Variants in SMPDL3A observed in about 807,000 individuals in gnomAD.
SMPDL3A encodes sphingomyelin phosphodiesterase acid like 3A.
In SMPDL3A, 39 loss-of-function variants were observed where a neutral mutation model predicts 38.5. The ratio of observed to expected loss-of-function variants is 1.01; its 90% confidence interval spans 0.78 to 1.32. SMPDL3A has a LOEUF of 1.32. SMPDL3A is among the 40% of genes most tolerant of loss of function. SMPDL3A has a pLI of 0.00. For synonymous variants in SMPDL3A, 180 were observed against 194.3 expected (o/e 0.93, Z 0.61); for missense variants, 502 against 536.2 (o/e 0.94, Z 0.63).
intron 1 of SMPDL3A, among the ~76,000 whole-genome samples, chr6:122,794,951 C>T (rs933921163): frequency 5.3e-5 from 8 of 152,226 alleles, no homozygotes; most frequent in Middle Eastern, 3.4e-3. Context: ...CATATTTATA[C>T]GTCAATTTTT....
rs1299525331 is a variant in SMPDL3A at position 122,795,785 on chromosome 6, G to T, written c.221G>T (p.Gly74Val). Residue 74 changes from glycine to valine, a missense_variant, in exon 2 of 8, where the codon GGC (glycine) becomes GTC (valine). Gly to Val is a moderately radical substitution (Grantham distance 109). Transcript: ENST00000368440. ...AAAGGTGCAAATGCCTCCAACCCTG[G>T]CCCTTTTGGAGATGTTCTGTGTGAT... The part of the protein sequence containing the change: ...SSKGANASNP[G>V]PFGDVLCDSP... The T allele has an allele frequency of 6.2e-7, 1 of 1,613,926 alleles. No individual in the cohort carries two copies. The highest frequency in any genetic ancestry group is 1.3e-5 in the African/African-American group (1 of 74,986).
chr6:122,794,144 A>G (rs546514576), intron 1 of SMPDL3A, among the ~76,000 whole-genome samples: 13 of 152,236 alleles, frequency 8.5e-5, no homozygotes, highest in African/African-American at 2.9e-4. Flanking sequence ...TGGTTTTTCA[A>G]TTCTAAAATG....
At chr6:122,798,313 G>C (rs1000437841) in intron 3 of SMPDL3A, among the ~76,000 whole-genome samples, 3 of 152,150 alleles carry the variant, frequency 2.0e-5, no homozygotes, top group Admixed American at 6.5e-5. Flanking sequence ...AGAGGCTTGG[G>C]AACAAATGAG....
At position 122,789,395 on chromosome 6, in the gene SMPDL3A, T is replaced by G. The variant is rs745917849; in HGVS notation, c.49T>G (p.Cys17Gly). The G allele has an allele frequency of 3.3e-5, 51 of 1,549,174 alleles. No individual in the cohort carries two copies. The highest frequency in any genetic ancestry group is 4.3e-5 in the Non-Finnish European group (49 of 1,146,366). The change falls in exon 1 of 8, where the codon TGC becomes GGC. Residue 17 changes from cysteine (C) to glycine (G), a missense_variant. Coordinates refer to ENST00000368440, the MANE Select transcript of SMPDL3A (RefSeq NM_006714.5). ...LVCCLLTAWHCRSGLGLPVAP... is the reference protein window; with the variant it reads ...LVCCLLTAWHGRSGLGLPVAP... Reference sequence around the variant, plus strand: ...CTGCTGCCTGCTGACTGCCTGGCACTGCCGCTCCGGCCTCGGGCTGCCCGT... The same window carrying G: ...CTGCTGCCTGCTGACTGCCTGGCACGGCCGCTCCGGCCTCGGGCTGCCCGT...
chr6:122,807,328 C>G (rs1443878107), intron 7 of SMPDL3A, among the ~76,000 whole-genome samples: 5 of 152,284 alleles, frequency 3.3e-5, no homozygotes, highest in African/African-American at 1.2e-4. Context: ...GAAACCCCGT[C>G]TCCACTAAAA....
At chr6:122,808,640 T>TCCCCCC (rs1781737461) in intron 7 of SMPDL3A, among the ~76,000 whole-genome samples, 1 of 38,104 alleles carries the variant, frequency 2.6e-5, no homozygotes, top group Non-Finnish European at 5.1e-5. Flanking sequence ...CCTTCCTTCC[T>TCCCCCC]TCCCCCCCTC....
chr6:122,798,881 T>C (rs1781336942), intron 3 of SMPDL3A, among the ~76,000 whole-genome samples: 1 of 152,208 alleles, frequency 6.6e-6, no homozygotes, highest in Non-Finnish European at 1.5e-5. Flanking sequence ...GTTAATTTTT[T>C]TTCTCTTTCT....
intron 3 of SMPDL3A, among the ~76,000 whole-genome samples, chr6:122,801,050 C>A (rs906466510): frequency 6.6e-6 from 1 of 152,166 alleles, no homozygotes; most frequent in Non-Finnish European, 1.5e-5. Context: ...TGCACCTGGC[C>A]CTTGGCTACA....
intron 7 of SMPDL3A, among the ~76,000 whole-genome samples, chr6:122,808,609 C>CCCTTCCTTCCTTCCTT (rs1194682012): frequency 9.0e-5 from 4 of 44,370 alleles, no homozygotes; most frequent in Admixed American, 2.2e-4. Flanking sequence ...CTCCCTCCCT[C>CCCTTCCTTCCTTCCTT]CCTTCCTTCC....
At chr6:122,797,870 G>A (rs1200159860) in intron 3 of SMPDL3A, among the ~76,000 whole-genome samples, 1 of 152,106 alleles carries the variant, frequency 6.6e-6, no homozygotes, top group Non-Finnish European at 1.5e-5. Context: ...GAAAATGAAG[G>A]CTCAGAAATG....
chr6:122,804,945 C>T lies in SMPDL3A; in HGVS notation c.775C>T (p.Pro259Ser). 6.2e-7 allele frequency: 1 copy of T among 1,611,796 alleles called. No homozygotes were observed. Among genetic ancestry groups the T allele is most frequent in the Non-Finnish European group, 8.5e-7 (1 of 1,179,272 alleles). The change falls in exon 6 of 8, where the codon CCA becomes TCA. Residue 259 changes from proline (P) to serine (S), a missense_variant. By Grantham distance (74) the Pro-to-Ser change is moderately conservative. Transcript: ENST00000368440. ...AGCACATGTTCCAGTGGGGTATCTG[C>T]CATCTTCACAGAACATCACAGCAAT... Reference protein sequence around the residue: ...IIAHVPVGYLPSSQNITAMRE... With the variant: ...IIAHVPVGYLSSSQNITAMRE...
intron 1 of SMPDL3A, among the ~76,000 whole-genome samples, chr6:122,794,599 A>G (rs1229754623): frequency 6.6e-6 from 1 of 152,280 alleles, no homozygotes; most frequent in African/African-American, 2.4e-5. Flanking sequence ...TCCATCTCAA[A>G]AAAAACACAC....
chr6:122,800,376 A>G (rs1000551467), intron 3 of SMPDL3A, among the ~76,000 whole-genome samples: 4 of 152,250 alleles, frequency 2.6e-5, no homozygotes, highest in Non-Finnish European at 5.9e-5. Flanking sequence ...TAAGAAGCTT[A>G]TAATAGTTTG....
intron 5 of SMPDL3A, among the ~76,000 whole-genome samples, chr6:122,804,664 A>G (rs1781542166): frequency 6.6e-6 from 1 of 152,164 alleles, no homozygotes; most frequent in Non-Finnish European, 1.5e-5. Flanking sequence ...TATTGGTATA[A>G]AAAGAGGCCA....
At chr6:122,792,571 TC>T (rs1356094924) in intron 1 of SMPDL3A, among the ~76,000 whole-genome samples, 1 of 152,092 alleles carries the variant, frequency 6.6e-6, no homozygotes, top group Non-Finnish European at 1.5e-5. Context: ...TAGTCTCTTT[TC>T]CCCTAATCTT....
At chr6:122,804,132 C>T (rs1013652695) in intron 5 of SMPDL3A, among the ~76,000 whole-genome samples, 5 of 151,694 alleles carry the variant, frequency 3.3e-5, no homozygotes, top group African/African-American at 1.2e-4. Context: ...GGATTACAGG[C>T]ACCCACCACC....
At position 122,794,993 on chromosome 6, in the gene SMPDL3A, CT is replaced by C. The variant is rs1320321742; in HGVS notation, c.113-682del. On this transcript the variant is annotated intron_variant, in intron 1 of 7. Coordinates refer to ENST00000368440, the MANE Select transcript of SMPDL3A (RefSeq NM_006714.5). ...GAAGAATGTAAATAATTTGTAAAAT[CT>C]TAAACTCTTAAAGGAGACATGCTAT... 5.3e-5 allele frequency among the ~76,000 whole-genome samples: 8 copies of C among 152,268 alleles called. No individual in the cohort carries two copies. The East Asian group carries it at 1.5e-3, about 29-fold the overall frequency.
intron 3 of SMPDL3A, among the ~76,000 whole-genome samples, chr6:122,797,588 C>T (rs777107894): frequency 1.6e-4 from 25 of 152,210 alleles, no homozygotes; most frequent in Admixed American, 9.2e-4. Context: ...GCAAGATGGC[C>T]GTCCGGTTTA....
intron 4 of SMPDL3A, 104 bp downstream of exon 4, chr6:122,801,510 GC>G: frequency 1.3e-6 from 1 of 796,990 alleles, no homozygotes; most frequent in Non-Finnish European, 2.1e-6. Flanking sequence ...CTGGAGCACA[GC>G]CCCCAGTTTT....
Sources: allele counts gnomAD v4.1 joint callset (sites outside exome capture counted in the v4.1 genomes callset), GRCh38; gene constraint gnomAD v4.1.1; transcripts MANE v1.5; gene names NCBI Gene and HGNC (gene_info 2026-07-23, HGNC 2026-07-21).